The following MADCAM1 variants were observed in gnomAD, a reference collection of about 807,000 sequenced individuals.
The protein encoded by MADCAM1 is mucosal addressin cell adhesion molecule 1.
Under a neutral mutation model 26.1 loss-of-function variants are expected in MADCAM1, and 19 were observed. The ratio of observed to expected loss-of-function variants is 0.73; its 90% CI spans 0.51 to 1.07. The LOEUF (loss-of-function observed/expected upper bound fraction) is 1.07. Among genes scored for constraint, MADCAM1 ranks in the 50% least tolerant of loss-of-function variants. The pLI, the probability that MADCAM1 is intolerant of heterozygous loss-of-function variation, is 0.00. For synonymous variants in MADCAM1, 268 were observed against 260.9 expected (o/e 1.03, Z -0.26); for missense variants, 514 against 542.1 (o/e 0.95, Z 0.51).
intron 4 of MADCAM1, among the ~76,000 whole-genome samples, chr19:503,777 G>A (rs939204903): frequency 1.4e-4 from 21 of 151,844 alleles, no homozygotes; most frequent in Admixed American, 2.6e-4. Context: ...GGCCAGACAC[G>A]GTGGCTCATG....
intron 3 of MADCAM1, chr19:499,809 G>A (rs926018069): frequency 2.0e-5 from 9 of 456,240 alleles, no homozygotes; most frequent in African/African-American, 1.8e-4. Flanking sequence ...GTGCCCTGGC[G>A]GTGCTCCCTT....
Position 498,479 on chromosome 19 carries a change from C to T in MADCAM1, c.338-17C>T. Reference sequence around the variant, plus strand: ...CTGACTCTGGGCTCAGCCCTCACCCCCGACCCTCCATCACAGCCTTCCCGG... The same window carrying T: ...CTGACTCTGGGCTCAGCCCTCACCCTCGACCCTCCATCACAGCCTTCCCGG... On this transcript the variant is annotated splice_polypyrimidine_tract_variant and intron_variant, in intron 2 of 4. Transcript: ENST00000215637. 1.4e-6 allele frequency: 2 copies of T among 1,456,904 alleles called. No individual in the cohort carries two copies. Among genetic ancestry groups the T allele is most frequent in the Non-Finnish European group, 1.8e-6 (2 of 1,109,736 alleles). The allele number at this position is 1,456,904 out of a possible 1,614,324, so 90.2% of individuals were successfully genotyped here. A position where few individuals can be genotyped will look rare whatever the true frequency, so the allele number is the denominator to read the frequency against.
intron 4 of MADCAM1, among the ~76,000 whole-genome samples, chr19:503,154 A>G (rs1277561596): frequency 1.3e-5 from 2 of 152,200 alleles, no homozygotes; most frequent in African/African-American, 4.8e-5. Flanking sequence ...TTGAAGAGGA[A>G]CTTTTCTACT....
chr19:498,007 G>A lies in MADCAM1; in HGVS notation c.227G>A (p.Arg76His). ...SLGAVQSDTG[R>H]SVLTVRNASL... ...GGCGCGGTGCAGTCGGACACGGGCC[G>A]CAGCGTCCTCACCGTGCGCAACGCC... The change falls in exon 2 of 5, where the codon CGC (arginine) becomes CAC (histidine). Residue 76 changes from arginine to histidine, a missense_variant. Transcript: ENST00000215637. 3 of 1,502,704 alleles carry A rather than the reference G, an allele frequency of 2.0e-6. No individual in the cohort carries two copies. The highest frequency in any genetic ancestry group is 2.7e-6 in the Non-Finnish European group (3 of 1,131,860). 93.1% of individuals were successfully genotyped at this position (1,502,704 alleles called of 1,614,324 possible).
rs748389843 is a variant in MADCAM1, at chr19:501,811, G to T, written c.810G>T (p.Pro270=). The T allele has an allele frequency of 5.1e-6, 8 of 1,561,280 alleles. No homozygotes were observed. Among genetic ancestry groups the T allele is most frequent in the Non-Finnish European group, 6.9e-6 (8 of 1,153,438 alleles). Residue 270 remains proline (P), a synonymous_variant, in exon 4 of 5, where the codon CCG becomes CCT. Transcript: ENST00000215637. ...TSPEPPDKTS[P]EPAPQQGSTH... Reference sequence around the variant, plus strand: ...CGGAGCCTCCCGACAAGACCTCCCCGGAGCCCGCCCCCCAGCAGGGCTCCA... The same window carrying T: ...CGGAGCCTCCCGACAAGACCTCCCCTGAGCCCGCCCCCCAGCAGGGCTCCA...
At chr19:498,980 C>T in intron 3 of MADCAM1, 155 bp downstream of exon 3, 1 of 1,159,560 alleles carries the variant, frequency 8.6e-7, no homozygotes, top group Non-Finnish European at 1.2e-6. Context: ...ATCGACGCAA[C>T]ATGTATTTGC....
intron 4 of MADCAM1, among the ~76,000 whole-genome samples, chr19:504,125 G>A (rs147119904): frequency 1.4e-4 from 22 of 151,822 alleles, no homozygotes; most frequent in Admixed American, 8.5e-4. Flanking sequence ...CATTTCAACA[G>A]GTAATCAATA....
chr19:497,764 G>A, intron 1 of MADCAM1, 69 bp from the exon 2 acceptor site: 1 of 1,182,362 alleles, frequency 8.5e-7, no homozygotes, highest in Non-Finnish European at 1.1e-6. Context: ...GGTGGAGCGG[G>A]ACGCAGGGCC....
chr19:498,728 G>A lies in MADCAM1; in HGVS notation c.570G>A (p.Arg190=), dbSNP rs1302107749. The A allele has an allele frequency of 2.1e-6, 3 of 1,457,964 alleles. No homozygotes were observed. The highest frequency in any genetic ancestry group is 1.8e-6 in the Non-Finnish European group (2 of 1,110,558). 90.3% of individuals were successfully genotyped at this position (1,457,964 alleles called of 1,614,324 possible). A position where few individuals can be genotyped will look rare whatever the true frequency, so the allele number is the denominator to read the frequency against. ...TGTTCAGGGTGACAGAGCGCTGGCG[G>A]CTGCCGCCCCTGGGGACCCCTGTCC... The part of the protein sequence containing the change: ...DVLFRVTERW[R]LPPLGTPVPP... Residue 190 remains arginine, a synonymous_variant, in exon 3 of 5, where the codon CGG becomes CGA. Coordinates refer to ENST00000215637, the MANE Select transcript of MADCAM1 (RefSeq NM_130760.3).
At chr19:498,222 C>A in intron 2 of MADCAM1, 105 bp downstream of exon 2, 1 of 1,166,886 alleles carries the variant, frequency 8.6e-7, no homozygotes, top group Non-Finnish European at 1.1e-6. Flanking sequence ...AGGGTCCCAG[C>A]TCCATGCACA....
chr19:497,368 G>A (rs1978290950), intron 1 of MADCAM1, among the ~76,000 whole-genome samples: 1 of 104,240 alleles, frequency 9.6e-6, no homozygotes, highest in Non-Finnish European at 2.0e-5. Flanking sequence ...GGGAGAGGAA[G>A]GGGCGCGGTG....
At chr19:498,849 G>C in intron 3 of MADCAM1, 24 bp downstream of exon 3, 1 of 1,225,100 alleles carries the variant, frequency 8.2e-7, no homozygotes, top group Non-Finnish European at 1.0e-6. Context: ...GTGCCCTGGA[G>C]ACCCACCCGC....
Position 498,019 on chromosome 19 carries a change from C to G in MADCAM1, c.239C>G (p.Thr80Ser), listed in dbSNP as rs1460526240. ...VQSDTGRSVL[T>S]VRNASLSAAG... ...TCGGACACGGGCCGCAGCGTCCTCA[C>G]CGTGCGCAACGCCTCGCTGTCGGCG... Residue 80 changes from threonine (T) to serine (S), a missense_variant, in exon 2 of 5, where the codon ACC (threonine) becomes AGC (serine). By Grantham distance (58) the Thr-to-Ser change is moderately conservative. Around this residue, in one of 3 missense-constraint regions of MADCAM1, gnomAD observed 317 missense variants for 313.6 expected, o/e 1.01. Transcript: ENST00000215637. 2 of 1,502,446 alleles carry G rather than the reference C, an allele frequency of 1.3e-6. No homozygotes were observed. Among genetic ancestry groups the G allele is most frequent in the Non-Finnish European group, 1.8e-6 (2 of 1,131,806 alleles). The allele number at this position is 1,502,446 out of a possible 1,614,324, so 93.1% of individuals were successfully genotyped here. A position where few individuals can be genotyped will look rare whatever the true frequency, so the allele number is the denominator to read the frequency against.
intron 3 of MADCAM1, among the ~76,000 whole-genome samples, chr19:499,521 TACAA>T (rs1014549593): frequency 6.6e-5 from 10 of 151,988 alleles, no homozygotes; most frequent in African/African-American, 9.7e-5. Context: ...CACACGCGTG[TACAA>T]ACACAGGCAC....
chr19:498,639 G>A lies in MADCAM1; in HGVS notation c.481G>A (p.Ala161Thr), dbSNP rs376416942. The A allele has an allele frequency of 3.4e-6, 5 of 1,467,370 alleles. No individual in the cohort carries two copies. The highest frequency in any genetic ancestry group is 4.5e-6 in the Non-Finnish European group (5 of 1,115,248). The allele number at this position is 1,467,370 out of a possible 1,614,324, so 90.9% of individuals were successfully genotyped here. A position where few individuals can be genotyped will look rare whatever the true frequency, so the allele number is the denominator to read the frequency against. The change falls in exon 3 of 5, where the codon GCG (alanine) becomes ACG (threonine). Residue 161 changes from alanine (A) to threonine (T), a missense_variant. Physicochemically the swap from Ala to Thr is moderately conservative, Grantham distance 58 (BLOSUM62 0). This residue lies in a region of MADCAM1 where 317 missense variants were observed against 313.6 expected (regional missense o/e 1.01). Transcript: ENST00000215637. ...LLVGGQELEG[A>T]QALGPEVQEE... ...CGTCGGGGGCCAGGAACTGGAGGGGGCGCAAGCCCTGGGCCCGGAGGTGCA... is the reference window on the plus strand; with the variant it reads ...CGTCGGGGGCCAGGAACTGGAGGGGACGCAAGCCCTGGGCCCGGAGGTGCA...
Position 498,594 on chromosome 19 carries a change from G to T in MADCAM1, c.436G>T (p.Ala146Ser). The change falls in exon 3 of 5, where the codon GCG (alanine) becomes TCG (serine). Residue 146 changes from alanine (A) to serine (S), a missense_variant. Physicochemically the swap from Ala to Ser is moderately conservative, Grantham distance 99 (BLOSUM62 1). Coordinates refer to ENST00000215637, the MANE Select transcript of MADCAM1 (RefSeq NM_130760.3). ...AHKVTPVDPNALSFSLLVGGQ... is the reference protein window; with the variant it reads ...AHKVTPVDPNSLSFSLLVGGQ... ...CAAAGTCACGCCCGTGGACCCCAAC[G>T]CGCTCTCCTTCTCCCTGCTCGTCGG... 6.7e-7 allele frequency: 1 copy of T among 1,482,884 alleles called. No homozygotes were observed. Among genetic ancestry groups the T allele is most frequent in the Non-Finnish European group, 8.9e-7 (1 of 1,120,948 alleles). The allele number at this position is 1,482,884 out of a possible 1,614,324, so 91.9% of individuals were successfully genotyped here.
chr19:499,402 A>C, intron 3 of MADCAM1: 1 of 454,490 alleles, frequency 2.2e-6, no homozygotes, highest in South Asian at 1.6e-5. Flanking sequence ...ATAGGCACAC[A>C]AGCACACACA....
chr19:501,865 C>A lies in MADCAM1; in HGVS notation c.864C>A (p.Thr288=), dbSNP rs369284078. 2.7e-5 allele frequency: 42 copies of A among 1,557,332 alleles called. No individual in the cohort carries two copies. Among genetic ancestry groups the A allele is most frequent in the Non-Finnish European group, 3.6e-5 (41 of 1,151,300 alleles). ...STHTPRSPGS[T]RTRRPEISQA... is the part of the protein sequence containing the mutation. ...ACACCCCCAGGAGCCCAGGCTCCAC[C>A]AGGACTCGCCGCCCTGAGATCTCCC... is the stretch of plus-strand genomic sequence containing the variant. Residue 288 remains threonine, a synonymous_variant, in exon 4 of 5, where the codon ACC becomes ACA. Coordinates refer to ENST00000215637, the MANE Select transcript of MADCAM1 (RefSeq NM_130760.3).
chr19:498,623 C>A lies in MADCAM1; in HGVS notation c.465C>A (p.Gly155=). 6.8e-7 allele frequency: 1 copy of A among 1,473,556 alleles called. No homozygotes were observed. Among genetic ancestry groups the A allele is most frequent in the Non-Finnish European group, 8.9e-7 (1 of 1,117,584 alleles). 91.3% of individuals were successfully genotyped at this position (1,473,556 alleles called of 1,614,324 possible). A position where few individuals can be genotyped will look rare whatever the true frequency, so the allele number is the denominator to read the frequency against. The part of the protein sequence containing the change: ...NALSFSLLVG[G]QELEGAQALG... ...TCTCCTTCTCCCTGCTCGTCGGGGG[C>A]CAGGAACTGGAGGGGGCGCAAGCCC... The change falls in exon 3 of 5, where the codon GGC becomes GGA. Residue 155 remains glycine, a synonymous_variant. Transcript: ENST00000215637.
Sources: gnomAD v4.1 joint callset for allele counts (sites outside exome capture counted in the v4.1 genomes callset) on GRCh38, gnomAD v4.1.1 for gene constraint, gnomAD v4.1.1 regional missense constraint, MANE v1.5 for transcripts, NCBI Gene and HGNC (gene_info 2026-07-23, HGNC 2026-07-21) for gene names.